MICAL2: variants seen among roughly 807,000 people sequenced by gnomAD.
The protein encoded by MICAL2 is [F-actin]-monooxygenase MICAL2.
Under a neutral mutation model 127.3 loss-of-function variants are expected in MICAL2, and 77 were observed. The ratio of observed to expected loss-of-function variants is 0.60; its 90% CI spans 0.50 to 0.73. The LOEUF (loss-of-function observed/expected upper bound fraction) is 0.73, where lower values mean the gene tolerates loss of function less well. Ranked by LOEUF, MICAL2 falls within the 30% of genes least tolerant of loss-of-function variation. MICAL2 has a pLI of 0.00. For synonymous variants in MICAL2, 570 were observed against 551.1 expected (o/e 1.03, Z -0.48); for missense variants, 1,351 against 1,434.4 (o/e 0.94, Z 0.94).
intron 3 of MICAL2, among the ~76,000 whole-genome samples, chr11:12,198,179 C>T (rs1006413768): frequency 6.6e-6 from 1 of 152,196 alleles, no homozygotes; most frequent in Non-Finnish European, 1.5e-5. Flanking sequence ...TAGGTTTTCA[C>T]CCTGGTTCTG....
At chr11:12,157,272 G>A (rs1429112007) in intron 2 of MICAL2, among the ~76,000 whole-genome samples, 1 of 152,162 alleles carries the variant, frequency 6.6e-6, no homozygotes, top group African/African-American at 2.4e-5. Context: ...GATCGGGATG[G>A]GGAGGCTCCT....
chr11:12,235,333 G>A (rs905673283), intron 15 of MICAL2, among the ~76,000 whole-genome samples: 1 of 152,176 alleles, frequency 6.6e-6, no homozygotes, highest in Non-Finnish European at 1.5e-5. Context: ...AATGGGCTTG[G>A]GTAGAGCAGG....
downstream of MICAL2, among the ~76,000 whole-genome samples, chr11:12,264,237 G>T (rs914018545): frequency 2.0e-5 from 3 of 152,182 alleles, no homozygotes; most frequent in Non-Finnish European, 4.4e-5. Flanking sequence ...CAGCTGAGTG[G>T]CAAGTGGAAG....
At chr11:12,344,018 G>A (rs944201567) in intron 32 of MICAL2, among the ~76,000 whole-genome samples, 3 of 152,132 alleles carry the variant, frequency 2.0e-5, no homozygotes, top group African/African-American at 4.8e-5. Flanking sequence ...CATATTGACC[G>A]GGCACGATTG....
chr11:12,114,477 G>T (rs1298860800), intron 1 of MICAL2, among the ~76,000 whole-genome samples: 1 of 152,164 alleles, frequency 6.6e-6, no homozygotes, highest in Non-Finnish European at 1.5e-5. Flanking sequence ...CCTGGTTTTA[G>T]TTTAGAGAAG....
chr11:12,134,486 G>A (rs1346538319), intron 1 of MICAL2, among the ~76,000 whole-genome samples: 2 of 152,180 alleles, frequency 1.3e-5, no homozygotes, highest in Non-Finnish European at 2.9e-5. Context: ...GAAGGGCCCT[G>A]CTCCAGGGGC....
chr11:12,302,672 C>CA (rs1687433670), intron 29 of MICAL2, among the ~76,000 whole-genome samples: 1 of 148,242 alleles, frequency 6.7e-6, no homozygotes, highest in African/African-American at 2.5e-5. Flanking sequence ...ACAGAAGTAC[C>CA]TTTTTTTTTT....
At chr11:12,223,354 C>A in intron 11 of MICAL2, 57 bp from the exon 12 acceptor site, 1 of 1,499,342 alleles carries the variant, frequency 6.7e-7, no homozygotes, top group Non-Finnish European at 9.3e-7. Context: ...GTTTAGGGGC[C>A]CTGAGACTAG....
chr11:12,333,638 A>T (rs558600140), intron 32 of MICAL2, among the ~76,000 whole-genome samples: 34 of 152,326 alleles, frequency 2.2e-4, no homozygotes, highest in Admixed American at 2.2e-3. Context: ...CCCAAAATGT[A>T]CAAGTAAACT....
intron 2 of MICAL2, among the ~76,000 whole-genome samples, chr11:12,283,377 C>G (rs1302973612): frequency 1.3e-5 from 2 of 148,858 alleles, no homozygotes; most frequent in Non-Finnish European, 3.0e-5. Flanking sequence ...CTACGTTGGT[C>G]CAGCCATGCT....
intron 1 of MICAL2, among the ~76,000 whole-genome samples, chr11:12,117,851 G>A (rs946325983): frequency 1.3e-5 from 2 of 152,200 alleles, no homozygotes; most frequent in Admixed American, 6.5e-5. Flanking sequence ...TAAATGAAAG[G>A]AAAACAGAAT....
intron 7 of MICAL2, among the ~76,000 whole-genome samples, chr11:12,214,753 G>A (rs1272475498): frequency 6.6e-6 from 1 of 152,116 alleles, no homozygotes; most frequent in African/African-American, 2.4e-5. Context: ...GTTGATGGCT[G>A]CTTCCACCAT....
chr11:12,156,107 C>T (rs2133762320), intron 2 of MICAL2, among the ~76,000 whole-genome samples: 1 of 152,338 alleles, frequency 6.6e-6, no homozygotes, highest in Non-Finnish European at 1.5e-5. Flanking sequence ...CATAGAAGGC[C>T]AGGGCCTGCA....
intron 1 of MICAL2, among the ~76,000 whole-genome samples, chr11:12,119,596 C>G (rs777108212): frequency 6.6e-6 from 1 of 152,220 alleles, no homozygotes; most frequent in African/African-American, 2.4e-5. Flanking sequence ...ACCTTTCCCC[C>G]ACTTCTGCCC....
downstream of MICAL2, among the ~76,000 whole-genome samples, chr11:12,296,211 T>C (rs1309242359): frequency 6.6e-6 from 1 of 152,076 alleles, no homozygotes; most frequent in African/African-American, 2.4e-5. Flanking sequence ...TTGAACAAAC[T>C]GTGATCCTAC....
intron 32 of MICAL2, among the ~76,000 whole-genome samples, chr11:12,341,672 T>C (rs1590745676): frequency 6.6e-6 from 1 of 151,824 alleles, no homozygotes; most frequent in Non-Finnish European, 1.5e-5. Flanking sequence ...ACGAAAAATA[T>C]AAAAATTAGC....
intron 3 of MICAL2, among the ~76,000 whole-genome samples, chr11:12,197,089 CCCAG>C: frequency 6.6e-6 from 1 of 152,342 alleles, no homozygotes; most frequent in East Asian, 1.9e-4. Context: ...TTCTCTAGTT[CCCAG>C]CCAATTTCCT....
intron 32 of MICAL2, among the ~76,000 whole-genome samples, chr11:12,341,651 A>G (rs1938867875): frequency 6.6e-6 from 1 of 152,018 alleles, no homozygotes. Flanking sequence ...ACATGGTGAA[A>G]CCCCATCTCT....
chr11:12,203,677 A>T (rs889203017), intron 3 of MICAL2, among the ~76,000 whole-genome samples: 2 of 152,144 alleles, frequency 1.3e-5, no homozygotes, highest in African/African-American at 4.8e-5. Context: ...TATCAGATAT[A>T]TGATGTGCAA....
Sources: allele counts gnomAD v4.1 joint callset (sites outside exome capture counted in the v4.1 genomes callset), GRCh38; gene constraint gnomAD v4.1.1; transcripts MANE v1.5; gene names NCBI Gene and HGNC (gene_info 2026-07-23, HGNC 2026-07-21).